SPHKAP: variants seen among roughly 807,000 people sequenced by gnomAD.
SPHKAP encodes the protein A-kinase anchor protein SPHKAP.
Under a neutral mutation model 137.5 loss-of-function variants are expected in SPHKAP, and 67 were observed. That is an observed-to-expected ratio of 0.49 (90% CI 0.40 to 0.60). The LOEUF (loss-of-function observed/expected upper bound fraction) is 0.60. Among genes scored for constraint, SPHKAP ranks in the 20% least tolerant of loss-of-function variants. SPHKAP has a pLI of 0.00. For missense variants in SPHKAP, 2,097 were observed against 2,069.3 expected (o/e 1.01, Z -0.26); for synonymous variants, 813 against 785.3 (o/e 1.04, Z -0.59).
intron 1 of SPHKAP, among the ~76,000 whole-genome samples, chr2:228,157,575 T>G (rs1700142716): frequency 6.6e-6 from 1 of 152,122 alleles, no homozygotes; most frequent in South Asian, 2.1e-4. Flanking sequence ...TATTACTCCT[T>G]TTTAGTTGTC....
At chr2:228,072,863 G>A (rs751038890) in intron 3 of SPHKAP, among the ~76,000 whole-genome samples, 7 of 152,164 alleles carry the variant, frequency 4.6e-5, no homozygotes, top group East Asian at 3.9e-4. Flanking sequence ...TTCAGCCCGC[G>A]GCCTTCCAGC....
In SPHKAP at chr2:228,020,029, T is replaced by C. The variant is rs771857671; in HGVS notation, c.825A>G (p.Lys275=). Residue 275 remains lysine, a synonymous_variant, in exon 7 of 12, where the codon AAA becomes AAG. Transcript: ENST00000392056. ...CTGTTTTAATCAATGGTGTGGGATA[T>C]TTGTTGATGTATTTGTCTTCCAAAG... is the stretch of plus-strand genomic sequence containing the variant. ...LYALEDKYIN[K]YPTPLIKTER... The C allele has an allele frequency of 5.6e-6, 9 of 1,614,234 alleles. No homozygotes were observed. Among genetic ancestry groups the C allele is most frequent in the Non-Finnish European group, 6.8e-6 (8 of 1,180,040 alleles).
chr2:228,016,220 G>C (rs1200883986), intron 7 of SPHKAP, among the ~76,000 whole-genome samples, 186 bp downstream of exon 7: 1 of 149,422 alleles, frequency 6.7e-6, no homozygotes, highest in Non-Finnish European at 1.5e-5. Context: ...GTGCATGTTT[G>C]TTACATATGT....
intron 2 of SPHKAP, among the ~76,000 whole-genome samples, chr2:228,120,623 A>G (rs1698873959): frequency 6.6e-6 from 1 of 152,128 alleles, no homozygotes; most frequent in African/African-American, 2.4e-5. Flanking sequence ...TGGAAGCTAC[A>G]CTGTATCTTA....
In SPHKAP at chr2:228,017,117, C is replaced by T; in HGVS notation, c.3737G>A (p.Cys1246Tyr). ...GGGCACATTCACTGTCAGCCTGGAG[C>T]ATGGGGATCTGCTGTCTGGCATGGA... ...QSSMPDSRSP[C>Y]SRLTVNVPIK... The change falls in exon 7 of 12, where the codon TGC becomes TAC. Residue 1246 changes from cysteine to tyrosine, a missense_variant. Coordinates refer to ENST00000392056, the MANE Select transcript of SPHKAP (RefSeq NM_001142644.2). 6.2e-7 allele frequency: 1 copy of T among 1,614,022 alleles called. No individual in the cohort carries two copies. Among genetic ancestry groups the T allele is most frequent in the Admixed American group, 1.7e-5 (1 of 60,012 alleles).
chr2:228,100,627 T>C (rs1698158258), intron 3 of SPHKAP, among the ~76,000 whole-genome samples: 1 of 152,214 alleles, frequency 6.6e-6, no homozygotes, highest in Non-Finnish European at 1.5e-5. Context: ...TAATTCTGTT[T>C]ATGTGGTGAA....
chr2:228,004,598 T>G (rs1459425201), intron 7 of SPHKAP, among the ~76,000 whole-genome samples: 5 of 152,244 alleles, frequency 3.3e-5, no homozygotes, highest in South Asian at 2.1e-4. Context: ...CCTTCTGCTA[T>G]CTTTTGCATG....
At chr2:228,096,185 C>T (rs537261439) in intron 3 of SPHKAP, among the ~76,000 whole-genome samples, 156 of 152,094 alleles carry the variant, frequency 1.0e-3, no homozygotes, top group African/African-American at 3.5e-3. Flanking sequence ...CTAATGAAAC[C>T]GGGAAAAGGG....
Position 228,017,431 on chromosome 2 carries a change from C to T in SPHKAP, c.3423G>A (p.Gly1141=), listed in dbSNP as rs200833063. 6.2e-6 allele frequency: 10 copies of T among 1,613,920 alleles called. No homozygotes were observed. Among genetic ancestry groups the T allele is most frequent in the Non-Finnish European group, 8.5e-6 (10 of 1,180,032 alleles). Residue 1141 remains glycine, a synonymous_variant, in exon 7 of 12, where the codon GGG becomes GGA. Transcript: ENST00000392056. ...AATCCAGCAGTAACTCAAATCCTCTCCCTTCATTTTCCATCTGGTTCACCA... is the reference window on the plus strand; with the variant it reads ...AATCCAGCAGTAACTCAAATCCTCTTCCTTCATTTTCCATCTGGTTCACCA... ...RFMVNQMENE[G]RGFELLLDYY...
At chr2:228,053,503 G>A (rs527345496) in intron 3 of SPHKAP, among the ~76,000 whole-genome samples, 3 of 152,146 alleles carry the variant, frequency 2.0e-5, no homozygotes, top group African/African-American at 4.8e-5. Context: ...TTGGATCTTG[G>A]TGGTACACAG....
intron 1 of SPHKAP, among the ~76,000 whole-genome samples, chr2:228,146,144 A>G (rs142859394): frequency 6.6e-6 from 1 of 152,232 alleles, no homozygotes; most frequent in East Asian, 1.9e-4. Context: ...TTTAACAGGA[A>G]GGTCCAGAGA....
chr2:228,088,290 C>A (rs1166894236), intron 3 of SPHKAP, among the ~76,000 whole-genome samples: 2 of 152,062 alleles, frequency 1.3e-5, no homozygotes, highest in African/African-American at 4.8e-5. Context: ...ATTAAAAACA[C>A]ATAAATGAGA....
intron 2 of SPHKAP, among the ~76,000 whole-genome samples, chr2:228,119,456 T>TACACACACACAC (rs55846474): frequency 3.6e-5 from 5 of 137,322 alleles, no homozygotes; most frequent in South Asian, 2.4e-4. Flanking sequence ...AAGCCTAGTA[T>TACACACACACAC]ACACACACAC....
chr2:228,027,594 T>A (rs773374119), intron 3 of SPHKAP, 51 bp from the exon 4 acceptor site: 5 of 1,565,986 alleles, frequency 3.2e-6, no homozygotes, highest in African/African-American at 2.7e-5. Flanking sequence ...CCTGACTGTC[T>A]TTTTAGAAGA....
At chr2:227,991,696 C>A in intron 9 of SPHKAP, 2 of 984,076 alleles carry the variant, frequency 2.0e-6, no homozygotes, top group Non-Finnish European at 2.4e-6. Context: ...GAGATTTATT[C>A]TTTTGCATTT....
chr2:228,072,503 C>A (rs1697035362), intron 3 of SPHKAP, among the ~76,000 whole-genome samples: 1 of 152,078 alleles, frequency 6.6e-6, no homozygotes, highest in Non-Finnish European at 1.5e-5. Context: ...TACATCACCC[C>A]AAATCCGTGT....
intron 1 of SPHKAP, among the ~76,000 whole-genome samples, chr2:228,154,516 A>C (rs201832301): frequency 0.018 from 344 of 19,354 alleles, 2 homozygotes; most frequent in Non-Finnish European, 0.021. Context: ...CTCTCTCTAT[A>C]TATATATATA....
At chr2:228,042,264 G>A (rs143438416) in intron 3 of SPHKAP, among the ~76,000 whole-genome samples, 61 of 152,272 alleles carry the variant, frequency 4.0e-4, no homozygotes, top group African/African-American at 1.4e-3. Context: ...ACACTTGTAT[G>A]TTCCTGCGCT....
rs35722602 is a variant in SPHKAP, at chr2:228,098,759, TAAA to T, written c.246+10070_246+10072del. Among the ~76,000 whole-genome samples the T allele has an allele frequency of 2.8e-3, 389 of 138,700 alleles. 4 individuals are homozygous for T. The highest frequency in any genetic ancestry group is 9.3e-3 in the African/African-American group (351 of 37,634). 91.0% of individuals were successfully genotyped at this position (138,700 alleles called of 152,430 possible). Reference sequence around the variant, plus strand: ...CACATGTACCCTAAACCTTAAAGTATAAAAAAAAAAAAAAAAAAGTGTCTGTTC... The same window carrying T: ...CACATGTACCCTAAACCTTAAAGTATAAAAAAAAAAAAAAAGTGTCTGTTC... On this transcript the variant is annotated intron_variant, in intron 3 of 11. Transcript: ENST00000392056.
Sources: gnomAD v4.1 joint callset for allele counts (sites outside exome capture counted in the v4.1 genomes callset) on GRCh38, gnomAD v4.1.1 for gene constraint, MANE v1.5 for transcripts, NCBI Gene and HGNC (gene_info 2026-07-23, HGNC 2026-07-21) for gene names.